The following FAM168A variants were observed in gnomAD, a reference collection of about 807,000 sequenced individuals.
FAM168A encodes protein FAM168A.
FAM168A carries 3 observed loss-of-function variants against 28.5 expected under a neutral mutation model. The ratio of observed to expected loss-of-function variants is 0.11; its 90% CI spans 0.05 to 0.27. The LOEUF (loss-of-function observed/expected upper bound fraction) is 0.27, where lower values mean the gene tolerates loss of function less well. FAM168A is among the 10% of genes least tolerant of loss of function. FAM168A has a pLI of 1.00. For missense variants in FAM168A, 222 were observed against 311.5 expected (o/e 0.71, Z 2.16); for synonymous variants, 122 against 124.2 (o/e 0.98, Z 0.12).
intron 1 of FAM168A, among the ~76,000 whole-genome samples, chr11:73,534,684 G>A (rs1272820345): frequency 6.6e-6 from 1 of 150,702 alleles, no homozygotes; most frequent in African/African-American, 2.4e-5. Flanking sequence ...ATTACAGGGT[G>A]TAAGCCACCA....
rs147634250 is a variant in FAM168A, at chr11:73,457,184, T to C, written c.70+11221A>G. Among the ~76,000 whole-genome samples the C allele has an allele frequency of 5.9e-3, 890 of 152,102 alleles. 8 individuals are homozygous for C. Among genetic ancestry groups the C allele is most frequent in the Middle Eastern group, 0.027 (8 of 292 alleles). ...GAAATGATTGCCCAAAGCCAGAAGT[T>C]TGAGATCAGCCTAGGTAACAGAGAG... On this transcript the variant is annotated intron_variant, in intron 2 of 7. Transcript: ENST00000356467.
intron 1 of FAM168A, among the ~76,000 whole-genome samples, chr11:73,507,010 T>G (rs1348838153): frequency 2.0e-5 from 3 of 152,184 alleles, no homozygotes; most frequent in African/African-American, 7.2e-5. Context: ...GTGTTGCAAA[T>G]CTTTTATTAT....
chr11:73,476,614 G>A (rs1366355274), intron 1 of FAM168A, among the ~76,000 whole-genome samples: 1 of 151,814 alleles, frequency 6.6e-6, no homozygotes, highest in East Asian at 1.9e-4. Flanking sequence ...AATAAATTTT[G>A]TTCTTGCAGG....
At chr11:73,427,138 C>T (rs1298731145) in intron 3 of FAM168A, among the ~76,000 whole-genome samples, 15 of 152,120 alleles carry the variant, frequency 9.9e-5, no homozygotes, top group African/African-American at 2.9e-4. Flanking sequence ...ATTATGGGCA[C>T]GTGCCACCAC....
At chr11:73,503,543 G>A (rs187577909) in intron 1 of FAM168A, among the ~76,000 whole-genome samples, 41 of 152,230 alleles carry the variant, frequency 2.7e-4, no homozygotes, top group Middle Eastern at 3.4e-3. Flanking sequence ...TCATGGATAG[G>A]AAGAATCAAT....
chr11:73,507,955 T>G (rs1855148459), intron 1 of FAM168A, among the ~76,000 whole-genome samples: 1 of 152,134 alleles, frequency 6.6e-6, no homozygotes, highest in Non-Finnish European at 1.5e-5. Flanking sequence ...ACAACTGTAC[T>G]TCACAGATAT....
intron 1 of FAM168A, among the ~76,000 whole-genome samples, chr11:73,543,467 G>A (rs1381222992): frequency 6.6e-6 from 1 of 151,852 alleles, no homozygotes; most frequent in African/African-American, 2.4e-5. Context: ...CGCCATGTTG[G>A]CCAGGCTAGT....
intron 1 of FAM168A, among the ~76,000 whole-genome samples, chr11:73,576,311 G>A (rs1297797966): frequency 6.6e-6 from 1 of 152,164 alleles, no homozygotes; most frequent in Non-Finnish European, 1.5e-5. Flanking sequence ...CAGCCAGAAT[G>A]TTAGCGAAAT....
At chr11:73,513,367 G>T (rs1855267877) in intron 1 of FAM168A, among the ~76,000 whole-genome samples, 3 of 145,966 alleles carry the variant, frequency 2.1e-5, no homozygotes, top group Non-Finnish European at 4.5e-5. Flanking sequence ...CCAACACCAT[G>T]CCCAGCTAAT....
intron 1 of FAM168A, among the ~76,000 whole-genome samples, chr11:73,524,303 T>A (rs757744772): frequency 6.6e-6 from 1 of 152,036 alleles, no homozygotes; most frequent in Non-Finnish European, 1.5e-5. Flanking sequence ...AGCACATGTG[T>A]ACTTAAGTCC....
chr11:73,503,776 A>C (rs1855056196), intron 1 of FAM168A, among the ~76,000 whole-genome samples: 1 of 152,236 alleles, frequency 6.6e-6, no homozygotes, highest in South Asian at 2.1e-4. Flanking sequence ...GGCTACAGTA[A>C]CCAAAACAGC....
chr11:73,500,400 A>T (rs1281664990), intron 1 of FAM168A, among the ~76,000 whole-genome samples: 2 of 151,944 alleles, frequency 1.3e-5, no homozygotes, highest in Admixed American at 1.3e-4. Context: ...CTGGGACTAC[A>T]GGTGCCTACC....
intron 1 of FAM168A, among the ~76,000 whole-genome samples, chr11:73,559,827 A>G (rs1943936723): frequency 6.6e-6 from 1 of 152,170 alleles, no homozygotes; most frequent in African/African-American, 2.4e-5. Flanking sequence ...AATAATGAGA[A>G]TCCTCCCTTC....
chr11:73,559,008 C>G (rs953392454), intron 1 of FAM168A, among the ~76,000 whole-genome samples: 1 of 152,186 alleles, frequency 6.6e-6, no homozygotes, highest in Admixed American at 6.5e-5. Flanking sequence ...CATAGCAGCA[C>G]CTTCACAATA....
At chr11:73,423,212 G>C (rs556870999) in intron 3 of FAM168A, among the ~76,000 whole-genome samples, 14 of 152,182 alleles carry the variant, frequency 9.2e-5, no homozygotes, top group Admixed American at 3.3e-4. Flanking sequence ...CAAAGTTGTA[G>C]GCTACAGCTC....
chr11:73,493,016 G>T (rs1282906353), intron 1 of FAM168A, among the ~76,000 whole-genome samples: 1 of 152,170 alleles, frequency 6.6e-6, no homozygotes, highest in Non-Finnish European at 1.5e-5. Context: ...CAGACCTTGG[G>T]CTCTACCAAG....
At chr11:73,574,122 C>CA (rs969711223) in intron 1 of FAM168A, among the ~76,000 whole-genome samples, 6 of 145,972 alleles carry the variant, frequency 4.1e-5, no homozygotes, top group South Asian at 2.2e-4. Flanking sequence ...GACCCTGTCT[C>CA]AAAAAAAAAA....
intron 1 of FAM168A, among the ~76,000 whole-genome samples, chr11:73,593,795 A>C (rs538418738): frequency 2.1e-4 from 32 of 152,298 alleles, no homozygotes; most frequent in Non-Finnish European, 4.4e-4. Context: ...TATGATGTTA[A>C]TTCTATTATT....
In FAM168A at chr11:73,539,229, T is replaced by C. The variant is rs573686230; in HGVS notation, c.-19+58694A>G. Among the ~76,000 whole-genome samples, 5 of 152,270 alleles carry C rather than the reference T, an allele frequency of 3.3e-5. No individual in the cohort carries two copies. In the South Asian group the frequency reaches 8.3e-4, roughly 25 times the overall value. ...AATGATCTCAAACACTCCAGGAATA[T>C]AGGATACACAATCAAGACTCTTTAT... On this transcript the variant is annotated intron_variant, in intron 1 of 7. Transcript: ENST00000356467.
Sources: allele counts gnomAD v4.1 joint callset (sites outside exome capture counted in the v4.1 genomes callset), GRCh38; gene constraint gnomAD v4.1.1; transcripts MANE v1.5; gene names NCBI Gene and HGNC (gene_info 2026-07-23, HGNC 2026-07-21).